The following WDR64 variants were observed in gnomAD, a reference collection of about 807,000 sequenced individuals.
WDR64 encodes WD repeat-containing protein 64.
A neutral mutation model predicts 139.3 loss-of-function variants in WDR64; 112 were observed. The ratio of observed to expected loss-of-function variants is 0.80; its 90% confidence interval spans 0.69 to 0.94. WDR64 has a LOEUF of 0.94. Ranked by LOEUF, WDR64 falls within the 40% of genes least tolerant of loss-of-function variation. The pLI, the probability that WDR64 is intolerant of heterozygous loss-of-function variation, is 0.00. For synonymous variants in WDR64, 444 were observed against 437.7 expected (o/e 1.01, Z -0.18); for missense variants, 1,206 against 1,293.1 (o/e 0.93, Z 1.03).
At chr1:241,663,736 T>G (rs1354344972) in intron 2 of WDR64, among the ~76,000 whole-genome samples, 1 of 152,266 alleles carries the variant, frequency 6.6e-6, no homozygotes, top group Non-Finnish European at 1.5e-5. Flanking sequence ...AGCTCCACAG[T>G]TGCACTAGTT....
chr1:241,671,962 G>C (rs2148074057), intron 3 of WDR64, among the ~76,000 whole-genome samples: 1 of 152,228 alleles, frequency 6.6e-6, no homozygotes, highest in East Asian at 1.9e-4. Context: ...ATCACCTGAG[G>C]TCAGGAGTTC....
chr1:241,754,619 G>A (rs1018924498), intron 14 of WDR64, among the ~76,000 whole-genome samples: 1 of 151,992 alleles, frequency 6.6e-6, no homozygotes, highest in Admixed American at 6.6e-5. Context: ...TGCCTGGCCC[G>A]TGCAGGTTTG....
At chr1:241,708,690 T>G (rs148399296) in intron 8 of WDR64, among the ~76,000 whole-genome samples, 2 of 114,584 alleles carry the variant, frequency 1.7e-5, no homozygotes, top group Non-Finnish European at 3.6e-5. Context: ...CTGAGGTCCA[T>G]GGTTTTTTTT....
chr1:241,684,516 A>G (rs1666935236), intron 7 of WDR64, among the ~76,000 whole-genome samples: 1 of 152,256 alleles, frequency 6.6e-6, no homozygotes, highest in Non-Finnish European at 1.5e-5. Context: ...TATTTATCAT[A>G]GAAGTACAAG....
intron 9 of WDR64, among the ~76,000 whole-genome samples, chr1:241,715,819 G>A (rs1229864606): frequency 6.6e-6 from 1 of 151,928 alleles, no homozygotes; most frequent in Non-Finnish European, 1.5e-5. Context: ...TCATTTCTGG[G>A]GGAAAAATGT....
intron 27 of WDR64, among the ~76,000 whole-genome samples, chr1:241,797,390 G>A (rs2148334660): frequency 6.6e-6 from 1 of 152,200 alleles, no homozygotes; most frequent in East Asian, 1.9e-4. Context: ...CTTAACCTGT[G>A]GCCATTTATC....
rs1230772638 is a variant in WDR64, at chr1:241,671,073, G to A, written c.277-1G>A. On this transcript the variant is annotated splice_acceptor_variant, in intron 2 of 27. Coordinates refer to ENST00000437684, the MANE Select transcript of WDR64 (RefSeq NM_001367482.1). LOFTEE classifies it high-confidence loss of function. ...TTTATATGTGCTGTTTGGGATTTCA[G>A]ATCTTTGGATACTTCTCCTCTGAAG... The A allele has an allele frequency of 9.1e-6, 14 of 1,541,476 alleles. No homozygotes were observed. Among genetic ancestry groups the A allele is most frequent in the Non-Finnish European group, 1.1e-5 (13 of 1,143,236 alleles).
At chr1:241,721,105 A>G (rs1258885657) in intron 9 of WDR64, among the ~76,000 whole-genome samples, 1 of 152,114 alleles carries the variant, frequency 6.6e-6, no homozygotes, top group South Asian at 2.1e-4. Flanking sequence ...AGCTGGTTGT[A>G]GATGTGTGGT....
At chr1:241,675,517 G>A (rs1666517868) in intron 4 of WDR64, among the ~76,000 whole-genome samples, 1 of 152,102 alleles carries the variant, frequency 6.6e-6, no homozygotes, top group South Asian at 2.1e-4. Flanking sequence ...GAACCATGTG[G>A]CATCAACACA....
intron 14 of WDR64, among the ~76,000 whole-genome samples, chr1:241,753,533 A>C (rs1044144935): frequency 2.0e-5 from 3 of 152,084 alleles, no homozygotes; most frequent in Non-Finnish European, 2.9e-5. Context: ...GCAAAACTCC[A>C]TCTCTACAAA....
chr1:241,735,790 G>A (rs1196876768), intron 10 of WDR64, among the ~76,000 whole-genome samples: 1 of 149,406 alleles, frequency 6.7e-6, no homozygotes, highest in Non-Finnish European at 1.5e-5. Flanking sequence ...CTGCCTCGGT[G>A]AGCCACTGCT....
chr1:241,663,771 A>T (rs542374138), intron 2 of WDR64, among the ~76,000 whole-genome samples: 1 of 152,258 alleles, frequency 6.6e-6, no homozygotes, highest in African/African-American at 2.4e-5. Flanking sequence ...TGATGTTCAC[A>T]TGTGGCTAGG....
chr1:241,658,713 T>G (rs1665706998), intron 1 of WDR64, among the ~76,000 whole-genome samples: 1 of 150,704 alleles, frequency 6.6e-6, no homozygotes, highest in Non-Finnish European at 1.5e-5. Context: ...TACCAAAGAC[T>G]CCAATGGTGA....
intron 16 of WDR64, 26 bp from the exon 17 acceptor site, chr1:241,769,378 T>TTA (rs1658328882): frequency 6.5e-7 from 1 of 1,536,830 alleles, no homozygotes; most frequent in Non-Finnish European, 8.8e-7. Context: ...GAATTTTTTC[T>TTA]CATATAAATG....
At chr1:241,716,917 T>C (rs1326305802) in intron 9 of WDR64, among the ~76,000 whole-genome samples, 1 of 152,184 alleles carries the variant, frequency 6.6e-6, no homozygotes, top group Non-Finnish European at 1.5e-5. Context: ...ATTTCTCAGG[T>C]GGCAGATCTC....
rs534177884 is a variant in WDR64 at position 241,772,451 on chromosome 1, CTTTTTTTTTTTTTTTTT to C, written c.2291-328_2291-312del. 3.7e-4 allele frequency among the ~76,000 whole-genome samples: 22 copies of C among 59,056 alleles called. 2 individuals carry two copies. In the East Asian group the frequency reaches 0.014, roughly 37 times the overall value. 38.7% of individuals were successfully genotyped at this position (59,056 alleles called of 152,430 possible). A position where few individuals can be genotyped will look rare whatever the true frequency, so the allele number is the denominator to read the frequency against. On this transcript the variant is annotated intron_variant, in intron 19 of 27. Transcript: ENST00000437684. The stretch of plus-strand genomic sequence containing the variant: ...AGTATTGCAAATTCCAAGATAGATC[CTTTTTTTTTTTTTTTTT>C]TTTTTTTTTTTTGAGACAGAGTTTC...
intron 10 of WDR64, among the ~76,000 whole-genome samples, chr1:241,734,396 C>G (rs1383404688): frequency 6.6e-6 from 1 of 152,074 alleles, no homozygotes; most frequent in Non-Finnish European, 1.5e-5. Flanking sequence ...TCTGAATTAA[C>G]CTCTCTCAGA....
chr1:241,682,157 T>G (rs2148106955), intron 6 of WDR64, among the ~76,000 whole-genome samples: 1 of 152,342 alleles, frequency 6.6e-6, no homozygotes, highest in East Asian at 1.9e-4. Context: ...ATCTTTCTTT[T>G]TATTGCATTT....
intron 27 of WDR64, among the ~76,000 whole-genome samples, chr1:241,798,042 C>T (rs533423834): frequency 2.6e-5 from 4 of 152,142 alleles, no homozygotes; most frequent in African/African-American, 9.6e-5. Context: ...CACAGTTAAT[C>T]TACATAAAGA....
Sources: gnomAD v4.1 joint callset for allele counts (sites outside exome capture counted in the v4.1 genomes callset) on GRCh38, gnomAD v4.1.1 for gene constraint, MANE v1.5 for transcripts, NCBI Gene and HGNC (gene_info 2026-07-23, HGNC 2026-07-21) for gene names.